Variants in LYST observed in about 807,000 individuals in gnomAD.
LYST encodes lysosomal-trafficking regulator.
LYST carries 192 observed loss-of-function variants against 413.6 expected under a neutral mutation model. The observed-to-expected ratio is 0.46, with a 90% CI of 0.41 to 0.52. The LOEUF (loss-of-function observed/expected upper bound fraction) is 0.52. LYST is among the 20% of genes least tolerant of loss of function. The pLI is 0.00. For missense variants in LYST, 3,815 were observed against 4,499.9 expected (o/e 0.85, Z 4.35); for synonymous variants, 1,525 against 1,567.3 (o/e 0.97, Z 0.64).
chr1:235,791,569 A>G (rs1197449719), intron 12 of LYST, 130 bp downstream of exon 12: 2 of 786,950 alleles, frequency 2.5e-6, no homozygotes, highest in African/African-American at 3.4e-5. Context: ...ACCTACCACC[A>G]CTAAGTAAGG....
At chr1:235,827,396 GC>G in intron 3 of LYST, 1 of 973,842 alleles carries the variant, frequency 1.0e-6, no homozygotes, top group East Asian at 1.1e-4. Flanking sequence ...TATTAATAAA[GC>G]AAACGGACTA....
chr1:235,858,708 A>G (rs1679495615), intron 1 of LYST, among the ~76,000 whole-genome samples: 1 of 152,040 alleles, frequency 6.6e-6, no homozygotes, highest in South Asian at 2.1e-4. Context: ...CTATTCCTTG[A>G]CTTCCCACTA....
intron 2 of LYST, among the ~76,000 whole-genome samples, chr1:235,831,209 C>T (rs1675934322): frequency 6.6e-6 from 1 of 152,132 alleles, no homozygotes; most frequent in South Asian, 2.1e-4. Context: ...ATTGCCTCAC[C>T]TCCCTTCACC....
chr1:235,863,158 C>A (rs75211253), intron 1 of LYST, among the ~76,000 whole-genome samples: 1 of 151,716 alleles, frequency 6.6e-6, no homozygotes, highest in Non-Finnish European at 1.5e-5. Context: ...AGTTGGGGGC[C>A]GAGGAGGGCA....
chr1:235,851,997 T>C (rs1678594995), intron 1 of LYST, among the ~76,000 whole-genome samples: 1 of 152,238 alleles, frequency 6.6e-6, no homozygotes, highest in African/African-American at 2.4e-5. Context: ...TCATTGAATC[T>C]ATTAACTTTA....
chr1:235,775,220 C>T (rs566235817), intron 17 of LYST, 134 bp from the exon 18 acceptor site: 2 of 697,446 alleles, frequency 2.9e-6, no homozygotes, highest in South Asian at 3.3e-5. Flanking sequence ...CATACTCTAC[C>T]TATGTAAGGC....
intron 3 of LYST, among the ~76,000 whole-genome samples, chr1:235,824,201 C>T (rs1274344853): frequency 6.6e-6 from 1 of 152,170 alleles, no homozygotes; most frequent in South Asian, 2.1e-4. Context: ...ATGTACAACC[C>T]TCTTTGGTAA....
intron 48 of LYST, among the ~76,000 whole-genome samples, chr1:235,682,636 T>C (rs1197795592): frequency 6.6e-6 from 1 of 152,186 alleles, no homozygotes; most frequent in Non-Finnish European, 1.5e-5. Context: ...CATAGAAATG[T>C]AGTCGGATGA....
Position 235,766,221 on chromosome 1 carries a change from C to A in LYST, c.5979G>T (p.Val1993=), listed in dbSNP as rs1195437386. The A allele has an allele frequency of 1.2e-6, 2 of 1,613,326 alleles. No individual in the cohort carries two copies. The highest frequency in any genetic ancestry group is 3.3e-5 in the Admixed American group (2 of 59,970). Residue 1993 remains valine (V), a synonymous_variant, in exon 21 of 53, where the codon GTG becomes GTT. Transcript: ENST00000389793. ...ATCCAAGGACTTCTGCTATAATTTT[C>A]ACAAATGATCTACAAACCTCTCGGG... The part of the protein sequence containing the change: ...PMPREVCRSF[V]KIIAEVLGSP...
At chr1:235,762,346 T>C (rs957684158) in intron 22 of LYST, among the ~76,000 whole-genome samples, 8 of 152,160 alleles carry the variant, frequency 5.3e-5, no homozygotes, top group African/African-American at 1.9e-4. Flanking sequence ...AGAGAAAAGG[T>C]ACCCTGAGTC....
chr1:235,852,333 G>A (rs1268383028), intron 1 of LYST, among the ~76,000 whole-genome samples: 1 of 152,168 alleles, frequency 6.6e-6, no homozygotes, highest in African/African-American at 2.4e-5. Context: ...TGTCAGGGAG[G>A]GAGAAGAGAT....
chr1:235,863,172 G>C (rs1432684270), intron 1 of LYST, among the ~76,000 whole-genome samples: 1 of 152,040 alleles, frequency 6.6e-6, no homozygotes, highest in Non-Finnish European at 1.5e-5. Flanking sequence ...GAGGGCAGAT[G>C]ATGAGGTCAG....
At position 235,715,200 on chromosome 1, in the gene LYST, C is replaced by A. The variant is rs1345024890; in HGVS notation, c.9784+1G>T. On this transcript the variant is annotated splice_donor_variant, in intron 42 of 52. Coordinates refer to ENST00000389793, the MANE Select transcript of LYST (RefSeq NM_000081.4). LOFTEE classifies it high-confidence loss of function. The stretch of plus-strand genomic sequence containing the variant: ...TTTTTAGGCAGTTATTAAATTCTTA[C>A]CTTGATAGGCTAAAAACATTTTAGT... The A allele has an allele frequency of 1.2e-6, 2 of 1,613,494 alleles. No individual in the cohort carries two copies. Among genetic ancestry groups the A allele is most frequent in the Admixed American group, 3.3e-5 (2 of 59,974 alleles).
intron 47 of LYST, 112 bp downstream of exon 47, chr1:235,693,238 G>C (rs1292898391): frequency 1.2e-4 from 96 of 772,944 alleles, no homozygotes; most frequent in South Asian, 5.6e-4. Flanking sequence ...AATGGCGTGA[G>C]CCGGGAGGTG....
chr1:235,731,598 G>A (rs1020146070), intron 34 of LYST, among the ~76,000 whole-genome samples: 23 of 134,708 alleles, frequency 1.7e-4, no homozygotes, highest in African/African-American at 5.7e-4. Flanking sequence ...TGGCTGTGTC[G>A]CCCAGGCTGG....
intron 40 of LYST, 33 bp downstream of exon 40, chr1:235,720,628 T>A (rs751039302): frequency 1.2e-6 from 2 of 1,608,120 alleles, no homozygotes; most frequent in Non-Finnish European, 1.7e-6. Flanking sequence ...TATGGATGGA[T>A]GAACCCTAAA....
At position 235,795,531 on chromosome 1, in the gene LYST, G is replaced by A. The variant is rs187896876; in HGVS notation, c.4007-1919C>T. Among the ~76,000 whole-genome samples the A allele has an allele frequency of 1.1e-4, 17 of 152,278 alleles. No individual in the cohort carries two copies. The East Asian group carries it at 3.1e-3, about 28-fold the overall frequency. On this transcript the variant is annotated intron_variant, in intron 10 of 52. Coordinates refer to ENST00000389793, the MANE Select transcript of LYST (RefSeq NM_000081.4). The stretch of plus-strand genomic sequence containing the variant: ...CAGCCAAGCCCTATATGTGAAAGAT[G>A]CATTTTTCTAAGGTATGCAAACTGC...
intron 46 of LYST, among the ~76,000 whole-genome samples, chr1:235,695,585 CTCTT>C (rs896450799): frequency 4.6e-5 from 7 of 151,546 alleles, no homozygotes; most frequent in Non-Finnish European, 8.8e-5. Flanking sequence ...ATAATACCTG[CTCTT>C]TCTCTTTTGC....
At chr1:235,774,875 C>T in intron 18 of LYST, 38 bp downstream of exon 18, 1 of 1,318,802 alleles carries the variant, frequency 7.6e-7, no homozygotes, top group Non-Finnish European at 1.1e-6. Flanking sequence ...AGTATCACTG[C>T]ATATGAAACT....
Sources: gnomAD v4.1 joint callset for allele counts (sites outside exome capture counted in the v4.1 genomes callset) on GRCh38, gnomAD v4.1.1 for gene constraint, MANE v1.5 for transcripts, NCBI Gene and HGNC (gene_info 2026-07-23, HGNC 2026-07-21) for gene names.